The following PUS10 variants were observed in gnomAD, a reference collection of about 807,000 sequenced individuals.
The protein encoded by PUS10 is tRNA pseudouridine synthase Pus10.
In PUS10, 59 loss-of-function variants were observed where a neutral mutation model predicts 75.0. That is an observed-to-expected ratio of 0.79 (90% CI 0.64 to 0.98). PUS10 has a LOEUF of 0.98. Ranked by LOEUF, PUS10 falls within the 50% of genes least tolerant of loss-of-function variation. PUS10 has a pLI of 0.00. For synonymous variants in PUS10, 219 were observed against 211.6 expected (o/e 1.03, Z -0.30); for missense variants, 650 against 614.4 (o/e 1.06, Z -0.61).
chr2:60,962,390 G>A (rs1033838660), intron 9 of PUS10, among the ~76,000 whole-genome samples: 14 of 152,138 alleles, frequency 9.2e-5, no homozygotes, highest in African/African-American at 3.4e-4. Context: ...TGGCCAACGT[G>A]GCGAAACCCT....
intron 17 of PUS10, among the ~76,000 whole-genome samples, chr2:60,943,189 A>T (rs1367896806): frequency 3.3e-5 from 5 of 152,176 alleles, no homozygotes; most frequent in Non-Finnish European, 7.3e-5. Flanking sequence ...GTAGTCTATA[A>T]GCCTATAGTC....
chr2:60,963,972 C>A (rs779128308), intron 8 of PUS10, among the ~76,000 whole-genome samples: 4 of 152,162 alleles, frequency 2.6e-5, no homozygotes, highest in Non-Finnish European at 5.9e-5. Flanking sequence ...GTTATTTGGG[C>A]AGAGCTTCCC....
chr2:60,955,066 A>C lies in PUS10; in HGVS notation c.1009T>G (p.Phe337Val), dbSNP rs1170271143. The C allele has an allele frequency of 6.3e-7, 1 of 1,594,788 alleles. No individual in the cohort carries two copies. Among genetic ancestry groups the C allele is most frequent in the African/African-American group, 1.3e-5 (1 of 74,552 alleles). ...LAVFKAESFN[F>V]SSSGREDVDV... Reference sequence around the variant, plus strand: ...ACATCTTCTCTTCCAGAGGATGAAAAATTAAAACCTTTGAAAAGCAGATAA... The same window carrying C: ...ACATCTTCTCTTCCAGAGGATGAAACATTAAAACCTTTGAAAAGCAGATAA... Residue 337 changes from phenylalanine (F) to valine (V), a missense_variant, in exon 12 of 18, where the codon TTT becomes GTT. Phe to Val is a conservative substitution (Grantham distance 50, BLOSUM62 -1). Transcript: ENST00000316752.
intron 4 of PUS10, among the ~76,000 whole-genome samples, chr2:60,997,629 A>AG (rs1268221794): frequency 2.0e-5 from 3 of 150,064 alleles, no homozygotes; most frequent in African/African-American, 5.0e-5. Context: ...AAAAAAAAAA[A>AG]GGACTTAGTG....
chr2:60,955,790 A>T (rs1286783384), intron 11 of PUS10, among the ~76,000 whole-genome samples: 2 of 152,316 alleles, frequency 1.3e-5, no homozygotes, highest in African/African-American at 2.4e-5. Context: ...ATCCCATGGG[A>T]ACGCCAAGGC....
intron 12 of PUS10, 61 bp downstream of exon 12, chr2:60,954,957 G>C: frequency 1.7e-6 from 2 of 1,154,526 alleles, no homozygotes; most frequent in Non-Finnish European, 2.5e-6. Flanking sequence ...TAAGCCTGCT[G>C]TCTAGAAAGG....
At chr2:60,994,928 A>C (rs1678351809) in intron 4 of PUS10, among the ~76,000 whole-genome samples, 1 of 152,180 alleles carries the variant, frequency 6.6e-6, no homozygotes, top group Admixed American at 6.5e-5. Context: ...GTCTCTACTA[A>C]AAATACAAAA....
chr2:61,004,384 G>A (rs1411837350), intron 4 of PUS10, among the ~76,000 whole-genome samples: 2 of 152,050 alleles, frequency 1.3e-5, no homozygotes, highest in African/African-American at 2.4e-5. Context: ...CAGCACTTTG[G>A]GAGGCCAAGG....
At chr2:61,013,719 G>A (rs926639264) in intron 1 of PUS10, among the ~76,000 whole-genome samples, 2 of 152,022 alleles carry the variant, frequency 1.3e-5, no homozygotes, top group African/African-American at 4.8e-5. Context: ...ATAGCTTAGC[G>A]GCCAACTATT....
chr2:61,002,573 A>T (rs1194379786), intron 4 of PUS10, among the ~76,000 whole-genome samples: 2 of 152,142 alleles, frequency 1.3e-5, no homozygotes, highest in Non-Finnish European at 2.9e-5. Context: ...TCAGTCTCCC[A>T]AGGAGCTGGG....
chr2:60,976,095 G>A (rs945693581), intron 4 of PUS10, among the ~76,000 whole-genome samples: 1 of 152,062 alleles, frequency 6.6e-6, no homozygotes, highest in Non-Finnish European at 1.5e-5. Flanking sequence ...ATAAACACAT[G>A]TCCTTATATA....
rs778472496 is a variant in PUS10, at chr2:60,960,372, A to T, written c.1000+20T>A. ...AAAAAAAAAAAAAAGAAAGAAAAGT[A>T]TGAAGATCGTAACACTTACTCTCTG... On this transcript the variant is annotated intron_variant, in intron 11 of 17. Transcript: ENST00000316752. 2.7e-6 allele frequency: 4 copies of T among 1,469,036 alleles called. No homozygotes were observed. The highest frequency in any genetic ancestry group is 3.6e-6 in the Non-Finnish European group (4 of 1,111,856). The allele number at this position is 1,469,036 out of a possible 1,614,324, so 91.0% of individuals were successfully genotyped here.
At chr2:61,017,971 T>G in intron 1 of PUS10, 37 bp downstream of exon 1, 1 of 1,333,220 alleles carries the variant, frequency 7.5e-7, no homozygotes, top group Middle Eastern at 1.9e-4. Flanking sequence ...ATACCCAACC[T>G]TGGGGATAGG....
At chr2:60,991,521 A>G (rs1366716652) in intron 4 of PUS10, among the ~76,000 whole-genome samples, 1 of 151,990 alleles carries the variant, frequency 6.6e-6, no homozygotes, top group Non-Finnish European at 1.5e-5. Context: ...CAATGGCTCA[A>G]TCTTGGCTCA....
At chr2:60,979,362 CTCACCG>C (rs1677241159) in intron 4 of PUS10, among the ~76,000 whole-genome samples, 1 of 152,162 alleles carries the variant, frequency 6.6e-6, no homozygotes, top group Admixed American at 6.6e-5. Flanking sequence ...GGGCCTGTGC[CTCACCG>C]TGTGTCAGGG....
chr2:60,961,337 C>G, intron 10 of PUS10, 126 bp downstream of exon 10: 1 of 762,952 alleles, frequency 1.3e-6, no homozygotes. Flanking sequence ...GATTCTACTT[C>G]TCAAGAGAGT....
At position 60,962,882 on chromosome 2, in the gene PUS10, G is replaced by T; in HGVS notation, c.732C>A (p.Phe244Leu). The change falls in exon 9 of 18, where the codon TTC becomes TTA. Residue 244 changes from phenylalanine to leucine, a missense_variant. Transcript: ENST00000316752. ...FKPAKNKQSV[F>L]TRMAVMKALN... ...AGGCTTTCATAACTGCCATTCTAGT[G>T]AATACAGACTATATAGGGTAAAATG... 6.4e-7 allele frequency: 1 copy of T among 1,567,946 alleles called. No individual in the cohort carries two copies. Among genetic ancestry groups the T allele is most frequent in the South Asian group, 1.2e-5 (1 of 85,328 alleles).
intron 4 of PUS10, among the ~76,000 whole-genome samples, chr2:60,990,537 C>T (rs1470227818): frequency 1.3e-5 from 2 of 152,120 alleles, no homozygotes; most frequent in South Asian, 2.1e-4. Context: ...GGGACGAGAA[C>T]AGTCCTTAAA....
intron 4 of PUS10, among the ~76,000 whole-genome samples, chr2:61,005,257 G>A (rs1483286700): frequency 2.0e-5 from 3 of 152,020 alleles, no homozygotes; most frequent in East Asian, 1.9e-4. Flanking sequence ...ACGAAACTCC[G>A]TCTCAAAACA....
Sources: allele counts gnomAD v4.1 joint callset (sites outside exome capture counted in the v4.1 genomes callset), GRCh38; gene constraint gnomAD v4.1.1; transcripts MANE v1.5; gene names NCBI Gene and HGNC (gene_info 2026-07-23, HGNC 2026-07-21).